Variants in ELF5 observed in about 807,000 individuals in gnomAD.
ELF5 encodes E74 like ETS transcription factor 5.
A neutral mutation model predicts 38.2 loss-of-function variants in ELF5; 31 were observed. That is an observed-to-expected ratio of 0.81 (90% CI 0.61 to 1.10). The LOEUF is 1.10. Among genes scored for constraint, ELF5 ranks in the 50% least tolerant of loss-of-function variants. The probability of loss-of-function intolerance (pLI) is 0.00; values close to 1 mark genes in which losing one functional copy is unlikely to be tolerated. For synonymous variants in ELF5, 121 were observed against 112.5 expected (o/e 1.08, Z -0.48); for missense variants, 300 against 306.6 (o/e 0.98, Z 0.16).
At chr11:34,509,299 G>C (rs1016316759) in intron 1 of ELF5, among the ~76,000 whole-genome samples, 4 of 152,138 alleles carry the variant, frequency 2.6e-5, no homozygotes, top group Admixed American at 2.6e-4. Context: ...CTGCACTCCA[G>C]CCTGGGTGAC....
intron 1 of ELF5, among the ~76,000 whole-genome samples, chr11:34,507,908 C>T (rs1850649126): frequency 6.6e-6 from 1 of 152,116 alleles, no homozygotes; most frequent in South Asian, 2.1e-4. Context: ...AAACTTCAGT[C>T]ATTTGCCTAC....
chr11:34,512,603 T>G (rs569721839), intron 1 of ELF5, among the ~76,000 whole-genome samples: 43 of 150,652 alleles, frequency 2.9e-4, no homozygotes, highest in African/African-American at 1.0e-3. Flanking sequence ...TTTTAAATCA[T>G]GCAATCCGAT....
Position 34,480,929 on chromosome 11 carries a change from G to A in ELF5, c.514C>T (p.Leu172=), listed in dbSNP as rs1856927284. The change falls in exon 6 of 7, where the codon CTG becomes TTG. Residue 172 remains leucine (L), a synonymous_variant. Transcript: ENST00000257832. The part of the protein sequence containing the change: ...SSHLWEFVRD[L]LLSPEENCGI... ...CAGTTTTCTTCAGGAGATAGAAGCA[G>A]GTCTCGTACAAATTCCCATAGATGA... 1.4e-5 allele frequency: 22 copies of A among 1,613,872 alleles called. 1 individual carries two copies. In the East Asian group the frequency reaches 3.1e-4, roughly 23 times the overall value.
chr11:34,500,756 G>C (rs1050281980), intron 2 of ELF5, among the ~76,000 whole-genome samples: 2 of 152,238 alleles, frequency 1.3e-5, no homozygotes, highest in Non-Finnish European at 2.9e-5. Context: ...GAAGTTCTTA[G>C]ATTCTTTCCT....
At chr11:34,504,400 C>CGTGTGTGTGTGTGCACGCGT (rs1554943697) in intron 2 of ELF5, among the ~76,000 whole-genome samples, 7 of 151,604 alleles carry the variant, frequency 4.6e-5, no homozygotes, top group African/African-American at 1.7e-4. Flanking sequence ...TTCACATGTG[C>CGTGTGTGTGTGTGCACGCGT]GTGTGTGTGT....
At chr11:34,488,686 T>G (rs1049296080) in intron 4 of ELF5, among the ~76,000 whole-genome samples, 2 of 152,248 alleles carry the variant, frequency 1.3e-5, no homozygotes, top group Non-Finnish European at 2.9e-5. Context: ...TCCATTGTAT[T>G]AGCTTCCTTT....
intron 2 of ELF5, among the ~76,000 whole-genome samples, chr11:34,495,212 C>T (rs1850287442): frequency 1.3e-5 from 2 of 152,180 alleles, no homozygotes; most frequent in African/African-American, 4.8e-5. Context: ...CTGGAGAGAA[C>T]ACAACACGAG....
intron 4 of ELF5, among the ~76,000 whole-genome samples, chr11:34,485,907 G>A (rs570416862): frequency 1.3e-5 from 2 of 152,236 alleles, no homozygotes; most frequent in African/African-American, 4.8e-5. Context: ...GTTTCAGGGT[G>A]CAGCTCTCCC....
intron 4 of ELF5, among the ~76,000 whole-genome samples, chr11:34,487,974 G>A (rs1413263699): frequency 4.0e-5 from 6 of 151,850 alleles, no homozygotes; most frequent in Non-Finnish European, 5.9e-5. Flanking sequence ...CGTGACCTCC[G>A]CACTGGCCAT....
At chr11:34,508,068 A>G (rs189570442) in intron 1 of ELF5, among the ~76,000 whole-genome samples, 1 of 152,360 alleles carries the variant, frequency 6.6e-6, no homozygotes, top group Admixed American at 6.5e-5. Flanking sequence ...GAAAGTCAGG[A>G]TTTTTTAAAC....
Position 34,502,557 on chromosome 11 carries a change from C to T in ELF5, c.121+3072G>A, listed in dbSNP as rs193161670. Among the ~76,000 whole-genome samples, 4 of 152,372 alleles carry T rather than the reference C, an allele frequency of 2.6e-5. No individual in the cohort carries two copies. The East Asian group carries it at 5.8e-4, about 22-fold the overall frequency. Reference sequence around the variant, plus strand: ...GGAGGAGAGCAGGGGCTACAAGGCTCACCCGGTGCCCAGGCAGCTCCAAGA... The same window carrying T: ...GGAGGAGAGCAGGGGCTACAAGGCTTACCCGGTGCCCAGGCAGCTCCAAGA... On this transcript the variant is annotated intron_variant, in intron 2 of 6. Coordinates refer to ENST00000257832, the MANE Select transcript of ELF5 (RefSeq NM_001422.4).
intron 6 of ELF5, 124 bp downstream of exon 6, chr11:34,480,648 A>G (rs532959463): frequency 3.6e-6 from 4 of 1,104,352 alleles, no homozygotes; most frequent in Non-Finnish European, 2.6e-6. Flanking sequence ...TAAGAACCAA[A>G]GTTTTGTCTC....
At chr11:34,508,533 T>A (rs1564987002) in intron 1 of ELF5, among the ~76,000 whole-genome samples, 1 of 151,820 alleles carries the variant, frequency 6.6e-6, no homozygotes, top group Non-Finnish European at 1.5e-5. Flanking sequence ...AAATAAAAAA[T>A]AAAAAAAACT....
At chr11:34,501,559 G>A (rs751961755) in intron 2 of ELF5, among the ~76,000 whole-genome samples, 1 of 152,028 alleles carries the variant, frequency 6.6e-6, no homozygotes, top group East Asian at 1.9e-4. Flanking sequence ...ATATGCATGT[G>A]AACTACATGC....
In ELF5 at chr11:34,500,216, C is replaced by G. The variant is rs77782924; in HGVS notation, c.121+5413G>C. Among the ~76,000 whole-genome samples, 407 of 152,268 alleles carry G rather than the reference C, an allele frequency of 2.7e-3. 1 individual carries two copies. Among genetic ancestry groups the G allele is most frequent in the African/African-American group, 9.2e-3 (384 of 41,560 alleles). On this transcript the variant is annotated intron_variant, in intron 2 of 6. Coordinates refer to ENST00000257832, the MANE Select transcript of ELF5 (RefSeq NM_001422.4). ...AGGCCCGAGTTAGACAAACTTGGAC[C>G]ATAATTAGCATGATTTACTAGCATA...
chr11:34,511,294 T>C (rs554458767), intron 1 of ELF5, among the ~76,000 whole-genome samples: 1 of 152,308 alleles, frequency 6.6e-6, no homozygotes, highest in African/African-American at 2.4e-5. Context: ...GCCCACTGCC[T>C]TCTACCCCAG....
intron 4 of ELF5, among the ~76,000 whole-genome samples, chr11:34,485,255 T>C (rs759704037): frequency 5.3e-5 from 8 of 152,218 alleles, no homozygotes; most frequent in Non-Finnish European, 1.0e-4. Context: ...TCATAACTAC[T>C]ACTTTATCAT....
intron 2 of ELF5, 22 bp from the exon 3 acceptor site, chr11:34,493,734 T>G (rs1353850666): frequency 6.2e-7 from 1 of 1,607,584 alleles, no homozygotes; most frequent in East Asian, 2.2e-5. Flanking sequence ...GAGAAAGAAG[T>G]GAGGGACAAC....
chr11:34,491,504 A>G (rs533316665), intron 3 of ELF5: 1 of 152,166 alleles, frequency 6.6e-6, no homozygotes, highest in South Asian at 2.1e-4. Context: ...GACCTATTAA[A>G]AAGCAGTTGG....
Sources: gnomAD v4.1 joint callset for allele counts (sites outside exome capture counted in the v4.1 genomes callset) on GRCh38, gnomAD v4.1.1 for gene constraint, MANE v1.5 for transcripts, NCBI Gene and HGNC (gene_info 2026-07-23, HGNC 2026-07-21) for gene names.